SPIDR: variants seen among roughly 807,000 people sequenced by gnomAD.
SPIDR encodes the protein scaffold protein involved in DNA repair.
In SPIDR, 93 loss-of-function variants were observed where a neutral mutation model predicts 104.6. The ratio of observed to expected loss-of-function variants is 0.89; its 90% CI spans 0.75 to 1.06. The LOEUF (loss-of-function observed/expected upper bound fraction) is 1.06, where lower values mean the gene tolerates loss of function less well. Ranked by LOEUF, SPIDR falls within the 50% of genes least tolerant of loss-of-function variation. The pLI, the probability that SPIDR is intolerant of heterozygous loss-of-function variation, is 0.00. For synonymous variants in SPIDR, 431 were observed against 416.9 expected (o/e 1.03, Z -0.41); for missense variants, 1,154 against 1,111.2 (o/e 1.04, Z -0.55).
Position 47,440,416 on chromosome 8 carries a change from C to T in SPIDR, c.971C>T (p.Pro324Leu). 5 of 1,614,180 alleles carry T rather than the reference C, an allele frequency of 3.1e-6. No individual in the cohort carries two copies. Among genetic ancestry groups the T allele is most frequent in the Non-Finnish European group, 4.2e-6 (5 of 1,180,022 alleles). Residue 324 changes from proline to leucine, a missense_variant, in exon 8 of 20, where the codon CCA (proline) becomes CTA (leucine). Physicochemically the swap from Pro to Leu is moderately conservative, Grantham distance 98. Transcript: ENST00000297423. The part of the protein sequence containing the change: ...VAMCEQLLGS[P>L]ATSSSQSVAP... Reference sequence around the variant, plus strand: ...ATGTGTGAGCAGTTATTGGGGTCACCAGCCACCAGCTCCTCCCAAAGTGTG... The same window carrying T: ...ATGTGTGAGCAGTTATTGGGGTCACTAGCCACCAGCTCCTCCCAAAGTGTG...
intron 8 of SPIDR, among the ~76,000 whole-genome samples, chr8:47,578,092 A>C (rs547723718): frequency 1.6e-4 from 25 of 152,348 alleles, no homozygotes; most frequent in Admixed American, 2.6e-4. Context: ...TAAGGTATTC[A>C]GTTTTCTTTC....
intron 6 of SPIDR, among the ~76,000 whole-genome samples, chr8:47,397,719 G>A (rs1184084537): frequency 2.0e-5 from 3 of 152,126 alleles, no homozygotes; most frequent in Admixed American, 6.5e-5. Context: ...AGTAGCACAC[G>A]GTTCAAGGAG....
chr8:47,714,420 T>C (rs2082289864), intron 16 of SPIDR, among the ~76,000 whole-genome samples: 2 of 152,180 alleles, frequency 1.3e-5, no homozygotes, highest in Admixed American at 1.3e-4. Flanking sequence ...CGGGAGAGTT[T>C]GCGTGTTTTA....
intron 5 of SPIDR, among the ~76,000 whole-genome samples, chr8:47,342,924 A>G (rs1420117207): frequency 2.0e-5 from 3 of 152,180 alleles, no homozygotes; most frequent in Non-Finnish European, 4.4e-5. Flanking sequence ...AGTCGCATCT[A>G]GGGTTCTGTT....
At chr8:47,630,502 T>C (rs924537792) in intron 10 of SPIDR, among the ~76,000 whole-genome samples, 10 of 152,202 alleles carry the variant, frequency 6.6e-5, no homozygotes, top group African/African-American at 2.2e-4. Context: ...TTTAGAGTGT[T>C]AAAGAAATGT....
intron 1 of SPIDR, among the ~76,000 whole-genome samples, chr8:47,266,150 G>C (rs1586036137): frequency 7.9e-6 from 1 of 127,284 alleles, no homozygotes; most frequent in Non-Finnish European, 1.6e-5. Flanking sequence ...TTTTTTTTGA[G>C]TTGGAGTCTC....
chr8:47,625,760 A>T (rs557532991), intron 10 of SPIDR, among the ~76,000 whole-genome samples: 1 of 152,264 alleles, frequency 6.6e-6, no homozygotes, highest in South Asian at 2.1e-4. Flanking sequence ...ATGGAAGAAC[A>T]TTCCATGCTC....
At chr8:47,305,631 T>C (rs1383707094) in intron 5 of SPIDR, among the ~76,000 whole-genome samples, 1 of 152,220 alleles carries the variant, frequency 6.6e-6, no homozygotes, top group African/African-American at 2.4e-5. Context: ...CTAAATTTAA[T>C]GTGCATATGT....
chr8:47,551,295 A>C (rs1163744622), intron 8 of SPIDR, among the ~76,000 whole-genome samples: 1 of 152,216 alleles, frequency 6.6e-6, no homozygotes, highest in Admixed American at 6.5e-5. Flanking sequence ...AATATGAGTT[A>C]GGGAGGATTC....
chr8:47,728,103 G>A (rs753441622), intron 17 of SPIDR, among the ~76,000 whole-genome samples: 84 of 147,866 alleles, frequency 5.7e-4, no homozygotes, highest in Non-Finnish European at 7.9e-4. Context: ...GTGACAGAGT[G>A]AGACTCTGTC....
intron 7 of SPIDR, among the ~76,000 whole-genome samples, chr8:47,416,930 C>G (rs1350408621): frequency 6.6e-6 from 1 of 152,128 alleles, no homozygotes; most frequent in Non-Finnish European, 1.5e-5. Flanking sequence ...CCAGCTTCAT[C>G]CATGTCCCTA....
chr8:47,620,605 GTTTTGTTTT>G (rs1399700538), intron 10 of SPIDR, among the ~76,000 whole-genome samples: 4 of 149,340 alleles, frequency 2.7e-5, no homozygotes, highest in Non-Finnish European at 5.9e-5. Flanking sequence ...CAATTCATCG[GTTTTGTTTT>G]TTTGTTTCTT....
At chr8:47,693,388 C>T (rs1459168302) in intron 11 of SPIDR, among the ~76,000 whole-genome samples, 1 of 152,214 alleles carries the variant, frequency 6.6e-6, no homozygotes, top group Non-Finnish European at 1.5e-5. Flanking sequence ...AATCAGGGCT[C>T]ATGAAAAATT....
chr8:47,497,401 T>A (rs1419125713), intron 8 of SPIDR, among the ~76,000 whole-genome samples: 1 of 152,176 alleles, frequency 6.6e-6, no homozygotes, highest in Non-Finnish European at 1.5e-5. Flanking sequence ...CTTTGTTGTA[T>A]TTTCCTTTTC....
chr8:47,390,071 A>G (rs1464437351), intron 5 of SPIDR, among the ~76,000 whole-genome samples: 1 of 152,164 alleles, frequency 6.6e-6, no homozygotes, highest in East Asian at 1.9e-4. Context: ...TAAGTAGGAG[A>G]GATAAAACAT....
At chr8:47,687,881 A>C (rs928131440) in intron 11 of SPIDR, among the ~76,000 whole-genome samples, 1 of 152,106 alleles carries the variant, frequency 6.6e-6, no homozygotes, top group African/African-American at 2.4e-5. Context: ...TGGGCAACAT[A>C]GTGAGGCCTT....
At chr8:47,675,761 T>C (rs1241734744) in intron 11 of SPIDR, among the ~76,000 whole-genome samples, 1 of 152,204 alleles carries the variant, frequency 6.6e-6, no homozygotes, top group East Asian at 1.9e-4. Context: ...TGCAGTGAGC[T>C]GAGATTGCAC....
chr8:47,399,820 A>G (rs1403164610), intron 6 of SPIDR, among the ~76,000 whole-genome samples: 1 of 152,224 alleles, frequency 6.6e-6, no homozygotes, highest in Non-Finnish European at 1.5e-5. Context: ...GTTGGGGTAG[A>G]ACTCACTGAT....
chr8:47,537,331 A>G (rs906516085), intron 8 of SPIDR, among the ~76,000 whole-genome samples: 13 of 152,252 alleles, frequency 8.5e-5, no homozygotes, highest in African/African-American at 2.7e-4. Context: ...CAGTAGGTGA[A>G]TGGATAAACA....
Sources: gnomAD v4.1 joint callset for allele counts (sites outside exome capture counted in the v4.1 genomes callset) on GRCh38, gnomAD v4.1.1 for gene constraint, MANE v1.5 for transcripts, NCBI Gene and HGNC (gene_info 2026-07-23, HGNC 2026-07-21) for gene names.